Variants in PGD observed in about 807,000 individuals in gnomAD.
The protein encoded by PGD is phosphogluconate dehydrogenase.
PGD carries 21 observed loss-of-function variants against 60.4 expected under a neutral mutation model. The observed-to-expected ratio is 0.35, with a 90% CI of 0.25 to 0.50. The LOEUF (loss-of-function observed/expected upper bound fraction) is 0.50, where lower values mean the gene tolerates loss of function less well. Ranked by LOEUF, PGD falls within the 20% of genes least tolerant of loss-of-function variation. The pLI is 0.98. For synonymous variants in PGD, 230 were observed against 235.9 expected (o/e 0.97, Z 0.23); for missense variants, 477 against 613.1 (o/e 0.78, Z 2.34).
intron 8 of PGD, 39 bp from the exon 9 acceptor site, chr1:10,416,948 G>T (rs1442891966): frequency 1.2e-6 from 2 of 1,605,856 alleles, no homozygotes; most frequent in South Asian, 1.1e-5. Context: ...TCAGAGGCCT[G>T]ACAGTAATCT....
intron 8 of PGD, among the ~76,000 whole-genome samples, chr1:10,414,862 G>A (rs1639568739): frequency 6.6e-6 from 1 of 151,790 alleles, no homozygotes; most frequent in African/African-American, 2.4e-5. Context: ...GGTGACCGAG[G>A]TGGGCGGATC....
intron 5 of PGD, 118 bp from the exon 6 acceptor site, chr1:10,407,953 A>G (rs1211245981): frequency 2.8e-6 from 2 of 706,962 alleles, no homozygotes; most frequent in Non-Finnish European, 5.1e-6. Flanking sequence ...TGTCTCAAAA[A>G]AAAAAAAAAA....
chr1:10,406,370 C>T lies in PGD; in HGVS notation c.450-1701C>T, dbSNP rs567336630. Among the ~76,000 whole-genome samples the T allele has an allele frequency of 1.5e-4, 23 of 150,488 alleles. No individual in the cohort carries two copies. The East Asian group carries it at 3.9e-3, about 26-fold the overall frequency. On this transcript the variant is annotated intron_variant, in intron 5 of 12. Coordinates refer to ENST00000270776, the MANE Select transcript of PGD (RefSeq NM_002631.4). ...TTCAAGGCCAGCCTGGACAACATAGCAAGACCCTGTTTCTTAAGAAAAAAA... is the reference window on the plus strand; with the variant it reads ...TTCAAGGCCAGCCTGGACAACATAGTAAGACCCTGTTTCTTAAGAAAAAAA...
intron 5 of PGD, among the ~76,000 whole-genome samples, chr1:10,405,337 C>A (rs1639382194): frequency 6.6e-6 from 1 of 151,632 alleles, no homozygotes; most frequent in African/African-American, 2.4e-5. Flanking sequence ...CGCCACTGCA[C>A]TTCACCCTGG....
chr1:10,419,800 G>A lies in PGD; in HGVS notation c.*51G>A, dbSNP rs1332560052. The A allele has an allele frequency of 6.2e-7, 1 of 1,606,000 alleles. No individual in the cohort carries two copies. The highest frequency in any genetic ancestry group is 8.5e-7 in the Non-Finnish European group (1 of 1,174,134). The stretch of plus-strand genomic sequence containing the variant: ...GATTCCACAGACCAGGACATTCCAT[G>A]TGCCTCATGGCACTGCCACCTGGCC... On this transcript the variant is annotated 3_prime_UTR_variant, in exon 13 of 13. Transcript: ENST00000270776.
intron 5 of PGD, among the ~76,000 whole-genome samples, chr1:10,406,904 G>A (rs1188863851): frequency 6.6e-6 from 1 of 152,162 alleles, no homozygotes; most frequent in Admixed American, 6.5e-5. Context: ...CTCTTCACTT[G>A]CTAAAAGCCA....
At chr1:10,407,847 G>A (rs550183622) in intron 5 of PGD, among the ~76,000 whole-genome samples, 3 of 151,846 alleles carry the variant, frequency 2.0e-5, no homozygotes, top group Non-Finnish European at 4.4e-5. Flanking sequence ...TTAGGGGGCC[G>A]AGGCAGGAAG....
Position 10,418,659 on chromosome 1 carries a change from C to G in PGD, c.1110-167C>G, listed in dbSNP as rs534083939. Among the ~76,000 whole-genome samples the G allele has an allele frequency of 2.0e-5, 3 of 151,632 alleles. No individual in the cohort carries two copies. The South Asian group carries it at 6.3e-4, about 32-fold the overall frequency. ...TTGTAGTGGTGCGTGCCTGTAATCCCAGCTACTGGCGAGGCTGAGGCAGGA... is the reference window on the plus strand; with the variant it reads ...TTGTAGTGGTGCGTGCCTGTAATCCGAGCTACTGGCGAGGCTGAGGCAGGA... On this transcript the variant is annotated intron_variant, in intron 10 of 12. Transcript: ENST00000270776.
rs777486139 is a variant in PGD at position 10,408,160 on chromosome 1, T to G, written c.519+20T>G. The G allele has an allele frequency of 2.7e-5, 38 of 1,432,568 alleles. No individual in the cohort carries two copies. The highest frequency in any genetic ancestry group is 3.6e-5 in the Non-Finnish European group (37 of 1,014,066). 88.7% of individuals were successfully genotyped at this position (1,432,568 alleles called of 1,614,324 possible). A position where few individuals can be genotyped will look rare whatever the true frequency, so the allele number is the denominator to read the frequency against. The stretch of plus-strand genomic sequence containing the variant: ...GACTGGGCAAGTTCTGGGCTACTCT[T>G]TAAAGCCAATTGGCAACATGGGCGT... On this transcript the variant is annotated intron_variant, in intron 6 of 12. Coordinates refer to ENST00000270776, the MANE Select transcript of PGD (RefSeq NM_002631.4).
chr1:10,411,676 A>G, intron 7 of PGD, 124 bp downstream of exon 7: 2 of 1,030,512 alleles, frequency 1.9e-6, no homozygotes, highest in Non-Finnish European at 2.9e-6. Flanking sequence ...ACTCAGCCTA[A>G]TTTGAGGGAA....
chr1:10,409,678 GAC>G (rs1373381337), intron 6 of PGD, among the ~76,000 whole-genome samples: 1 of 47,822 alleles, frequency 2.1e-5, no homozygotes, highest in African/African-American at 1.0e-4. Context: ...TTTTTTTTGA[GAC>G]AGTCTTGCTT....
chr1:10,400,842 C>T (rs1201422998), intron 3 of PGD, among the ~76,000 whole-genome samples: 3 of 152,000 alleles, frequency 2.0e-5, no homozygotes, highest in Non-Finnish European at 4.4e-5. Flanking sequence ...GTAATCCCAG[C>T]ACTTTTTGGG....
At chr1:10,402,988 A>G (rs1185817336) in intron 3 of PGD, 83 bp from the exon 4 acceptor site, 4 of 948,144 alleles carry the variant, frequency 4.2e-6, no homozygotes, top group Admixed American at 3.4e-5. Flanking sequence ...GACTATGTTT[A>G]TTTGGAATAA....
rs1169730235 is a variant in PGD, at chr1:10,399,611, CT to C, written c.9-17del. 13 of 1,611,314 alleles carry C rather than the reference CT, an allele frequency of 8.1e-6. No individual in the cohort carries two copies. The highest frequency in any genetic ancestry group is 1.1e-5 in the Non-Finnish European group (13 of 1,178,556). On this transcript the variant is annotated splice_polypyrimidine_tract_variant and intron_variant, in intron 1 of 12. Transcript: ENST00000270776. ...AGCGGTGCTGACTCTTTCCTTTGTT[CT>C]GTTTCTGCCTCTCTAGAGCTGACAT... is the stretch of plus-strand genomic sequence containing the variant.
In PGD at chr1:10,420,274, CA is replaced by C. The variant is rs1175539468; in HGVS notation, c.*526del. On this transcript the variant is annotated 3_prime_UTR_variant, in exon 13 of 13. Coordinates refer to ENST00000270776, the MANE Select transcript of PGD (RefSeq NM_002631.4). ...ACCACATTTAGGATTATGCTTCACTCAGAGGAGGCAGGCAGGGAGGACACAC... is the reference window on the plus strand; with the variant it reads ...ACCACATTTAGGATTATGCTTCACTCGAGGAGGCAGGCAGGGAGGACACAC... 1 of 155,148 alleles carries C rather than the reference CA, an allele frequency of 6.4e-6. No individual in the cohort carries two copies. 9.6% of individuals were successfully genotyped at this position (155,148 alleles called of 1,614,324 possible).
At chr1:10,415,089 TA>T (rs34918542) in intron 8 of PGD, among the ~76,000 whole-genome samples, 239 of 142,016 alleles carry the variant, frequency 1.7e-3, no homozygotes, top group East Asian at 2.3e-3. Flanking sequence ...AGACTCCGCC[TA>T]AAAAAAAAAA....
rs61736950 is a variant in PGD at position 10,413,181 on chromosome 1, G to A, written c.774G>A (p.Ala258=). 2,082 of 1,614,162 alleles carry A rather than the reference G, an allele frequency of 1.3e-3. 12 individuals are homozygous for A. The highest frequency in any genetic ancestry group is 9.4e-3 in the African/African-American group (708 of 75,036). The change falls in exon 8 of 13, where the codon GCG becomes GCA. Residue 258 remains alanine (A), a synonymous_variant. Coordinates refer to ENST00000270776, the MANE Select transcript of PGD (RefSeq NM_002631.4). ...KHLLPKIRDS[A]GQKGTGKWTA... is the part of the protein sequence containing the mutation. ...TGCTGCCAAAGATCAGGGACAGCGC[G>A]GGGCAGAAGGGCACAGGGAAGTGGA...
chr1:10,418,701 G>A, intron 10 of PGD, 125 bp from the exon 11 acceptor site: 1 of 600,926 alleles, frequency 1.7e-6, no homozygotes, highest in Non-Finnish European at 3.0e-6. Flanking sequence ...CTTGAACCTG[G>A]GAGGTGGAGG....
In PGD at chr1:10,399,135, T is replaced by C; in HGVS notation, c.8+10T>C. The C allele has an allele frequency of 1.2e-6, 2 of 1,608,924 alleles. No individual in the cohort carries two copies. Among genetic ancestry groups the C allele is most frequent in the Non-Finnish European group, 1.7e-6 (2 of 1,179,512 alleles). The stretch of plus-strand genomic sequence containing the variant: ...CCGCCGCCATGGCCCAGTGAGTGAC[T>C]CGCCAGGGGCAGCCCGGCTCGGCCT... On this transcript the variant is annotated intron_variant, in intron 1 of 12. Coordinates refer to ENST00000270776, the MANE Select transcript of PGD (RefSeq NM_002631.4).
Sources: allele counts gnomAD v4.1 joint callset (sites outside exome capture counted in the v4.1 genomes callset), GRCh38; gene constraint gnomAD v4.1.1; transcripts MANE v1.5; gene names NCBI Gene and HGNC (gene_info 2026-07-23, HGNC 2026-07-21).